Variants in SAFB observed in about 807,000 individuals in gnomAD.
SAFB encodes scaffold attachment factor B1.
In SAFB, 15 loss-of-function variants were observed where a neutral mutation model predicts 101.6. The observed-to-expected ratio is 0.15, with a 90% CI of 0.10 to 0.23. The LOEUF (loss-of-function observed/expected upper bound fraction) is 0.23. Among genes scored for constraint, SAFB ranks in the 10% least tolerant of loss-of-function variants. SAFB has a pLI of 1.00. For missense variants in SAFB, 930 were observed against 1,104.1 expected, an observed-to-expected ratio of 0.84 and a Z score of 2.23; for synonymous variants, 449 against 407.5, an observed-to-expected ratio of 1.10 and a Z score of -1.23.
intron 2 of SAFB, among the ~76,000 whole-genome samples, chr19:5,635,014 G>A (rs950222175): frequency 3.3e-5 from 5 of 152,056 alleles, no homozygotes; most frequent in South Asian, 2.1e-4. Context: ...GGCACGTGCC[G>A]GTAATCCCAG....
rs978722624 is a variant in SAFB, at chr19:5,667,588, C to T, written c.2557+138C>T. ...AATGAGGAATGAAGAGCACTCCAGA[C>T]ACCGCCTGCTCTCTGGTGGTCTGGC... On this transcript the variant is annotated intron_variant, in intron 19 of 20. Transcript: ENST00000588852. This position sits in a 1 kb window ranked among gnomAD's most constrained non-coding sequence, Gnocchi z 4.0. 9 of 717,554 alleles carry T rather than the reference C, an allele frequency of 1.3e-5. No individual in the cohort carries two copies. The highest frequency in any genetic ancestry group is 1.1e-4 in the South Asian group (6 of 55,186). 44.4% of individuals were successfully genotyped at this position (717,554 alleles called of 1,614,324 possible). A position where few individuals can be genotyped will look rare whatever the true frequency, so the allele number is the denominator to read the frequency against.
At chr19:5,649,649 G>A (rs1892734533) in intron 7 of SAFB, 150 bp downstream of exon 7, 2 of 602,928 alleles carry the variant, frequency 3.3e-6, no homozygotes, top group Admixed American at 6.3e-5. Flanking sequence ...CTCTTTGTGT[G>A]TTTTTAATGG....
At chr19:5,624,826 A>T (rs1475634825) in intron 1 of SAFB, among the ~76,000 whole-genome samples, 1 of 152,134 alleles carries the variant, frequency 6.6e-6, no homozygotes, top group Non-Finnish European at 1.5e-5. Flanking sequence ...CAGATAAGGC[A>T]GGAAGCCCAC....
rs2053724436 is a variant in SAFB, at chr19:5,641,928, G to C, written c.528G>C (p.Glu176Asp). ...LVEGEMKELP[E>D]QLQEHAIEDK... is the part of the protein sequence containing the mutation. ...AGGGGGAAATGAAAGAGCTTCCGGA[G>C]CAGCTTCAGGAACATGCTGTAGGTA... The change falls in exon 4 of 21, where the codon GAG becomes GAC. Residue 176 changes from glutamate (E) to aspartate (D), a missense_variant. Glu to Asp is a conservative substitution (Grantham distance 45). Coordinates refer to ENST00000588852, the MANE Select transcript of SAFB (RefSeq NM_001201338.2). The C allele has an allele frequency of 1.4e-5, 23 of 1,614,096 alleles. No homozygotes were observed. The highest frequency in any genetic ancestry group is 1.8e-5 in the Non-Finnish European group (21 of 1,179,940).
At chr19:5,642,762 A>G (rs1382932459) in intron 4 of SAFB, among the ~76,000 whole-genome samples, 1 of 141,116 alleles carries the variant, frequency 7.1e-6, no homozygotes, top group Non-Finnish European at 1.5e-5. Context: ...CCCTGGGTTC[A>G]AGTGATCTCC....
chr19:5,624,064 T>G (rs2053274308), intron 1 of SAFB: 1 of 151,740 alleles, frequency 6.6e-6, no homozygotes. Context: ...AGACCCCGGG[T>G]GGACTTTAAA....
Position 5,654,168 on chromosome 19 carries a change from G to A in SAFB, c.1634G>A (p.Gly545Asp). ...KSKDQDDQKP[G>D]PSERSRATKS... ...AAGGACCAAGATGATCAGAAACCTG[G>A]CCCCTCAGAGCGATCTCGAGCCACA... Residue 545 changes from glycine (G) to aspartate (D), a missense_variant, in exon 12 of 21, where the codon GGC becomes GAC. By Grantham distance (94) the Gly-to-Asp change is moderately conservative (BLOSUM62 -1). Coordinates refer to ENST00000588852, the MANE Select transcript of SAFB (RefSeq NM_001201338.2). The A allele has an allele frequency of 6.2e-7, 1 of 1,614,194 alleles. No individual in the cohort carries two copies. Among genetic ancestry groups the A allele is most frequent in the East Asian group, 2.2e-5 (1 of 44,886 alleles).
intron 2 of SAFB, among the ~76,000 whole-genome samples, chr19:5,635,115 G>C (rs2053568723): frequency 6.6e-6 from 1 of 152,066 alleles, no homozygotes; most frequent in Admixed American, 6.5e-5. Flanking sequence ...TCCAGCCTGG[G>C]CAACAAGAGC....
At chr19:5,663,977 T>C (rs554850748) in intron 15 of SAFB, 45 bp from the exon 16 acceptor site, 2 of 1,597,542 alleles carry the variant, frequency 1.3e-6, no homozygotes, top group South Asian at 2.2e-5. Flanking sequence ...ATAGATACAT[T>C]TGGGGTGGGG....
intron 2 of SAFB, among the ~76,000 whole-genome samples, chr19:5,635,147 A>G (rs1306008069): frequency 6.6e-6 from 1 of 151,856 alleles, no homozygotes; most frequent in Admixed American, 6.6e-5. Context: ...TCAAAAAAAA[A>G]TTTTTTTTAC....
At chr19:5,626,274 A>G in intron 1 of SAFB, 131 bp from the exon 2 acceptor site, 2 of 627,436 alleles carry the variant, frequency 3.2e-6, no homozygotes, top group Middle Eastern at 2.6e-4. Context: ...GATGGGCCAC[A>G]GGTCCTGGGT....
chr19:5,651,449 A>G (rs552185706), intron 9 of SAFB, among the ~76,000 whole-genome samples: 1 of 152,258 alleles, frequency 6.6e-6, no homozygotes, highest in Admixed American at 6.5e-5. Flanking sequence ...GGAACTCAGA[A>G]CTCAGAACAG....
intron 13 of SAFB, among the ~76,000 whole-genome samples, chr19:5,655,139 C>T (rs1286205272): frequency 6.6e-6 from 1 of 152,076 alleles, no homozygotes; most frequent in Non-Finnish European, 1.5e-5. Flanking sequence ...ACCTTGACCC[C>T]TTCCTGTACT....
chr19:5,661,211 G>A (rs951116564), intron 14 of SAFB, among the ~76,000 whole-genome samples: 9 of 152,018 alleles, frequency 5.9e-5, no homozygotes, highest in African/African-American at 2.2e-4. Context: ...GTGAGCCACC[G>A]CGCCCGGCCT....
chr19:5,631,144 C>G (rs1337447470), intron 2 of SAFB, among the ~76,000 whole-genome samples: 1 of 152,128 alleles, frequency 6.6e-6, no homozygotes, highest in Admixed American at 6.5e-5. Flanking sequence ...GAGCTGAGAT[C>G]ATGCTGCTGC....
chr19:5,625,464 A>G (rs2053337520), intron 1 of SAFB, among the ~76,000 whole-genome samples: 1 of 152,222 alleles, frequency 6.6e-6, no homozygotes, highest in South Asian at 2.1e-4. Flanking sequence ...CCCTATCTCA[A>G]TTCAGACTTA....
Position 5,654,081 on chromosome 19 carries a change from A to T in SAFB, c.1547A>T (p.Asp516Val), listed in dbSNP as rs751836532. 7.4e-6 allele frequency: 12 copies of T among 1,614,034 alleles called. No individual in the cohort carries two copies. The African/African-American group carries it at 1.6e-4, about 22-fold the overall frequency. The change falls in exon 12 of 21, where the codon GAT (aspartate) becomes GTT (valine). Residue 516 changes from aspartate to valine, a missense_variant. Asp to Val is a radical substitution (Grantham distance 152). Coordinates refer to ENST00000588852, the MANE Select transcript of SAFB (RefSeq NM_001201338.2). The part of the protein sequence containing the change: ...NSDRSTNLKR[D>V]DKCDRKDDAK... ...TATAGATCTACAAACCTTAAGAGGG[A>T]TGATAAATGTGACAGAAAAGATGAT...
chr19:5,645,280 C>A, intron 4 of SAFB, 57 bp from the exon 5 acceptor site: 1 of 767,726 alleles, frequency 1.3e-6, no homozygotes, highest in South Asian at 1.4e-5. Flanking sequence ...ACAGATGTAC[C>A]ATTATGTTAC....
At chr19:5,653,316 A>G in intron 10 of SAFB, 22 bp from the exon 11 acceptor site, 3 of 1,614,040 alleles carry the variant, frequency 1.9e-6, no homozygotes, top group Non-Finnish European at 2.5e-6. Flanking sequence ...AAATGGGGGT[A>G]ATACTTGATT....
Sources: gnomAD v4.1 joint callset for allele counts (sites outside exome capture counted in the v4.1 genomes callset) on GRCh38, gnomAD v4.1.1 for gene constraint, Gnocchi (gnomAD v3.1) non-coding constraint, MANE v1.5 for transcripts, NCBI Gene and HGNC (gene_info 2026-07-23, HGNC 2026-07-21) for gene names.